The following FASN variants were observed in gnomAD, a reference collection of about 807,000 sequenced individuals.
The protein encoded by FASN is 3-hydroxyacyl-[acyl-carrier-protein] dehydratase.
A neutral mutation model predicts 250.0 loss-of-function variants in FASN; 50 were observed. That is an observed-to-expected ratio of 0.20 (90% CI 0.16 to 0.25). The LOEUF (loss-of-function observed/expected upper bound fraction) is 0.25, where lower values mean the gene tolerates loss of function less well. Among genes scored for constraint, FASN ranks in the 10% least tolerant of loss-of-function variants. FASN has a pLI of 1.00. For synonymous variants in FASN, 1,909 were observed against 1,584.0 expected (o/e 1.21, Z -4.87); for missense variants, 3,031 against 3,498.5 (o/e 0.87, Z 3.37).
At position 82,082,687 on chromosome 17, in the gene FASN, C is replaced by T. The variant is rs147498820; in HGVS notation, c.5768-9G>A. 2.3e-5 allele frequency: 37 copies of T among 1,607,406 alleles called. 1 individual carries two copies. The highest frequency in any genetic ancestry group is 1.7e-4 in the Middle Eastern group (1 of 5,850). Reference sequence around the variant, plus strand: ...CTGCTTGGCCTGGTAGCCTGCGGGACACAGGACTGTGGGCTGGACTGGGCC... The same window carrying T: ...CTGCTTGGCCTGGTAGCCTGCGGGATACAGGACTGTGGGCTGGACTGGGCC... On this transcript the variant is annotated splice_polypyrimidine_tract_variant and intron_variant, in intron 33 of 42. Transcript: ENST00000306749.
intron 1 of FASN, 104 bp from the exon 2 acceptor site, chr17:82,096,556 C>T: frequency 6.4e-7 from 1 of 1,551,354 alleles, no homozygotes; most frequent in East Asian, 2.2e-5. Context: ...CCAAGCACCA[C>T]CCTGAGGGTC....
chr17:82,083,013 CG>C lies in FASN; in HGVS notation c.5667del (p.Ile1889MetfsTer16). The C allele has an allele frequency of 6.2e-7, 1 of 1,612,984 alleles. No individual in the cohort carries two copies. Among genetic ancestry groups the C allele is most frequent in the Non-Finnish European group, 8.5e-7 (1 of 1,180,002 alleles). On this transcript the variant is annotated frameshift_variant, in exon 33 of 43. Coordinates refer to ENST00000306749, the MANE Select transcript of FASN (RefSeq NM_004104.5). LOFTEE classifies it high-confidence loss of function. ...TFCPAHKSYI[I>X]AGGLGGFGLE... ...AGGCCGAAGCCACCCAGACCACCAG[CG>C]ATGATGTAGCTCTTGTGGGCCGGGC... is the stretch of plus-strand genomic sequence containing the variant.
Position 82,084,604 on chromosome 17 carries a change from A to C in FASN, c.4677T>G (p.Pro1559=). 6.2e-7 allele frequency: 1 copy of C among 1,609,642 alleles called. No individual in the cohort carries two copies. Among genetic ancestry groups the C allele is most frequent in the Non-Finnish European group, 8.5e-7 (1 of 1,178,732 alleles). The change falls in exon 27 of 43, where the codon CCT becomes CCG. Residue 1559 remains proline, a synonymous_variant. Coordinates refer to ENST00000306749, the MANE Select transcript of FASN (RefSeq NM_004104.5). ...AGTAGACCGTGCAGAGCTGGGCGCC[A>C]GGGCAGGTGGGCTGGGCATGGCGCA... ...SSLRHAQPTC[P]GAQLCTVYYA...
chr17:82,081,234 G>A lies in FASN; in HGVS notation c.6525C>T (p.Ser2175=), dbSNP rs747955678. 44 of 1,590,692 alleles carry A rather than the reference G, an allele frequency of 2.8e-5. No individual in the cohort carries two copies. The highest frequency in any genetic ancestry group is 9.1e-5 in the East Asian group (4 of 44,128). Residue 2175 remains serine, a synonymous_variant, in exon 38 of 43, where the codon TCC becomes TCT. Coordinates refer to ENST00000306749, the MANE Select transcript of FASN (RefSeq NM_004104.5). ...TLERELNLVL[S]VREVRQLTLR... ...GCGTGAGTTGCCGCACCTCGCGCAC[G>A]GACAGCACCAGGTTGAGCTCACGCT...
chr17:82,085,475 G>A lies in FASN; in HGVS notation c.4122+7C>T. 6.3e-7 allele frequency: 1 copy of A among 1,588,566 alleles called. No individual in the cohort carries two copies. Among genetic ancestry groups the A allele is most frequent in the Non-Finnish European group, 8.6e-7 (1 of 1,168,434 alleles). ...CCCCACCCTGTCCCCCTGCCCGGCGGCCGCACCTGGCTCAGGATGCCCTGG... is the reference window on the plus strand; with the variant it reads ...CCCCACCCTGTCCCCCTGCCCGGCGACCGCACCTGGCTCAGGATGCCCTGG... On this transcript the variant is annotated splice_region_variant and intron_variant, in intron 23 of 42. Transcript: ENST00000306749.
intron 3 of FASN, chr17:82,094,277 G>A (rs887471314): frequency 3.4e-5 from 8 of 238,190 alleles, no homozygotes; most frequent in Non-Finnish European, 5.9e-5. Context: ...GGTCACCCCC[G>A]GGGAGCATAA....
intron 30 of FASN, 30 bp from the exon 31 acceptor site, chr17:82,083,669 A>G: frequency 6.2e-7 from 1 of 1,602,888 alleles, no homozygotes. Context: ...AGACAATCAC[A>G]CCCACTGCAA....
chr17:82,087,630 C>T (rs1320141199), intron 19 of FASN, 55 bp downstream of exon 19: 4 of 1,604,502 alleles, frequency 2.5e-6, no homozygotes, highest in Non-Finnish European at 3.4e-6. Context: ...CTGTGGTCCC[C>T]ACAATGACGA....
Position 82,090,368 on chromosome 17 carries a change from G to C in FASN, c.1870+7C>G. The C allele has an allele frequency of 3.2e-6, 5 of 1,578,450 alleles. No individual in the cohort carries two copies. Among genetic ancestry groups the C allele is most frequent in the Non-Finnish European group, 3.4e-6 (4 of 1,163,474 alleles). ...GGAGGTGCTGGGGGCCCCTCCGGGA[G>C]ACCTACCCACGGCTGCCATGGCGCC... On this transcript the variant is annotated splice_region_variant and intron_variant, in intron 11 of 42. Coordinates refer to ENST00000306749, the MANE Select transcript of FASN (RefSeq NM_004104.5).
Position 82,082,664 on chromosome 17 carries a change from G to A in FASN, c.5782C>T (p.Gln1928Ter). The stretch of plus-strand genomic sequence containing the variant: ...CCCTGGCGCCTCCACCGGCGGACCT[G>A]CTTGGCCTGGTAGCCTGCGGGACAC... ...SGIRTGYQAKQVRRWRRQGVQ... is the reference protein window; with the variant it reads ...SGIRTGYQAK The change falls in exon 34 of 43, where the codon CAG becomes TAG. Residue 1928 changes from glutamine (Q) to a stop codon, truncating the protein, a stop_gained. Transcript: ENST00000306749. LOFTEE classifies it high-confidence loss of function. The A allele has an allele frequency of 6.2e-7, 1 of 1,609,474 alleles. No individual in the cohort carries two copies. Among genetic ancestry groups the A allele is most frequent in the South Asian group, 1.1e-5 (1 of 91,082 alleles).
At chr17:82,096,764 C>G (rs868020996) in intron 1 of FASN, 2 of 414,676 alleles carry the variant, frequency 4.8e-6, no homozygotes, top group Non-Finnish European at 9.2e-6. Context: ...CTGGTTTCTG[C>G]GCCTGTGTCG....
intron 1 of FASN, chr17:82,096,722 G>A (rs960572223): frequency 6.0e-6 from 3 of 502,156 alleles, no homozygotes; most frequent in Non-Finnish European, 1.1e-5. Flanking sequence ...TACCCCACTG[G>A]AGCCCTGCAG....
In FASN at chr17:82,093,602, G is replaced by A. The variant is rs560453532; in HGVS notation, c.450C>T (p.Phe150=). 2.5e-6 allele frequency: 4 copies of A among 1,612,778 alleles called. No individual in the cohort carries two copies. The highest frequency in any genetic ancestry group is 1.1e-5 in the South Asian group (1 of 91,080). ...MANRLSFFFD[F]RGPSIALDTA... is the part of the protein sequence containing the mutation. ...AGGAGGCTGGGCAGGACCCACCTCT[G>A]AAGTCGAAGAAGAAGGAGAGCCGGT... Residue 150 remains phenylalanine, a synonymous_variant, in exon 4 of 43, where the codon TTC becomes TTT. Transcript: ENST00000306749.
chr17:82,080,397 C>T lies in FASN; in HGVS notation c.7020G>A (p.Ser2340=), dbSNP rs149292828. The T allele has an allele frequency of 1.7e-5, 27 of 1,601,770 alleles. No homozygotes were observed. The highest frequency in any genetic ancestry group is 9.0e-5 in the East Asian group (4 of 44,414). ...GGGTGTAGGCCAGTACGTAGGTGGG[C>T]GAGCCGTCGAACAGGAAGAGGCTGT... ...THNSLFLFDG[S]PTYVLAYTQS... The change falls in exon 40 of 43, where the codon TCG becomes TCA. Residue 2340 remains serine, a synonymous_variant. Coordinates refer to ENST00000306749, the MANE Select transcript of FASN (RefSeq NM_004104.5).
At position 82,078,788 on chromosome 17, in the gene FASN, GCCTGGGGGTCTCTA is replaced by G; in HGVS notation, c.*341_*354del. 1 of 379,214 alleles carries G rather than the reference GCCTGGGGGTCTCTA, an allele frequency of 2.6e-6. No homozygotes were observed. Among genetic ancestry groups the G allele is most frequent in the Non-Finnish European group, 5.1e-6 (1 of 197,852 alleles). 23.5% of individuals were successfully genotyped at this position (379,214 alleles called of 1,614,324 possible). A position where few individuals can be genotyped will look rare whatever the true frequency, so the allele number is the denominator to read the frequency against. The stretch of plus-strand genomic sequence containing the variant: ...TGAGGAGTCTTGGCAGGGTGGACAG[GCCTGGGGGTCTCTA>G]CCAGCAATGCAATAAATATGCAAAT... On this transcript the variant is annotated 3_prime_UTR_variant, in exon 43 of 43. Transcript: ENST00000306749. The surrounding 1 kb of genome is among the most constrained non-coding windows in gnomAD (Gnocchi z 5.4).
In FASN at chr17:82,088,455, T is replaced by A; in HGVS notation, c.2528A>T (p.Asp843Val). The change falls in exon 16 of 43, where the codon GAC becomes GTC. Residue 843 changes from aspartate to valine, a missense_variant. Asp to Val is a radical substitution (Grantham distance 152). Coordinates refer to ENST00000306749, the MANE Select transcript of FASN (RefSeq NM_004104.5). The stretch of plus-strand genomic sequence containing the variant: ...GGGGAAGTCCTCGGCGGCCGGCACG[T>A]CCCAGGCCAGGCTGTGGTCCCACTT... ...LIKWDHSLAW[D>V]VPAAEDFPNG... 1 of 1,611,686 alleles carries A rather than the reference T, an allele frequency of 6.2e-7. No homozygotes were observed. The highest frequency in any genetic ancestry group is 8.5e-7 in the Non-Finnish European group (1 of 1,179,212).
At chr17:82,091,730 C>T in intron 8 of FASN, 46 bp from the exon 9 acceptor site, 1 of 1,504,466 alleles carries the variant, frequency 6.6e-7, no homozygotes, top group African/African-American at 1.4e-5. Context: ...CTCCCTCTAC[C>T]ACTGCCTGAG....
intron 29 of FASN, 34 bp from the exon 30 acceptor site, chr17:82,083,925 G>T: frequency 6.4e-7 from 1 of 1,550,800 alleles, no homozygotes; most frequent in East Asian, 2.4e-5. Context: ...TGGTGAGCCA[G>T]GGCGGCGGGG....
rs2034212279 is a variant in FASN at position 82,091,679 on chromosome 17, C to T, written c.1035G>A (p.Leu345=). 2.5e-6 allele frequency: 4 copies of T among 1,579,098 alleles called. No homozygotes were observed. Among genetic ancestry groups the T allele is most frequent in the South Asian group, 1.2e-5 (1 of 86,478 alleles). Residue 345 remains leucine, a synonymous_variant, in exon 9 of 43, where the codon CTG becomes CTA. Coordinates refer to ENST00000306749, the MANE Select transcript of FASN (RefSeq NM_004104.5). ...ASGLAALAKV[L]LSLEHGLWAP... ...CCCAGAGCCCGTGCTCCAGGGACAGCAGCACCTGCGGGGGTACGTGGTGGA... is the reference window on the plus strand; with the variant it reads ...CCCAGAGCCCGTGCTCCAGGGACAGTAGCACCTGCGGGGGTACGTGGTGGA...
Sources: allele counts gnomAD v4.1 joint callset, GRCh38; gene constraint gnomAD v4.1.1; non-coding constraint Gnocchi (gnomAD v3.1); transcripts MANE v1.5; gene names NCBI Gene and HGNC (gene_info 2026-07-23, HGNC 2026-07-21).